The following ZNF7 variants were observed in gnomAD, a reference collection of about 807,000 sequenced individuals.
The protein encoded by ZNF7 is C2-H2 type zinc finger protein.
ZNF7 carries 10 observed loss-of-function variants against 12.0 expected under a neutral mutation model. The ratio of observed to expected loss-of-function variants is 0.83; its 90% CI spans 0.51 to 1.42. The LOEUF (loss-of-function observed/expected upper bound fraction) is 1.42, where lower values mean the gene tolerates loss of function less well. Among genes scored for constraint, ZNF7 ranks in the 40% most tolerant of loss-of-function variants. The pLI is 0.00. For missense variants in ZNF7, 854 were observed against 837.2 expected (o/e 1.02, Z -0.25); for synonymous variants, 334 against 295.0 (o/e 1.13, Z -1.35).
chr8:144,828,833 A>T, intron 1 of ZNF7: 2 of 620,936 alleles, frequency 3.2e-6, no homozygotes, highest in South Asian at 4.0e-5. Context: ...TGAGTCACAC[A>T]TGCCACACAC....
chr8:144,840,954 C>T (rs528117562), intron 4 of ZNF7: 1 of 196,342 alleles, frequency 5.1e-6, no homozygotes, highest in African/African-American at 2.4e-5. Context: ...AGAACTCAGA[C>T]CCTGTACTGT....
chr8:144,846,993 G>A (rs1735402), downstream of ZNF7: 1 of 152,128 alleles, frequency 6.6e-6, no homozygotes, highest in Non-Finnish European at 1.5e-5. Context: ...CCACCATGCC[G>A]AGCTGAGGAG....
rs537961785 is a variant in ZNF7 at position 144,829,275 on chromosome 8, G to C, written c.3+185G>C. On this transcript the variant is annotated intron_variant, in intron 2 of 4. Transcript: ENST00000532777. ...ACCAGGGCCTAATTGAGGCTCTTGAGGGGGGAGGGTTGTATGACCACCATG... is the reference window on the plus strand; with the variant it reads ...ACCAGGGCCTAATTGAGGCTCTTGACGGGGGAGGGTTGTATGACCACCATG... The C allele has an allele frequency of 8.9e-5, 137 of 1,532,466 alleles. No individual in the cohort carries two copies. In the African/African-American group the frequency reaches 1.0e-3, roughly 12 times the overall value. The allele number at this position is 1,532,466 out of a possible 1,614,324, so 94.9% of individuals were successfully genotyped here. A position where few individuals can be genotyped will look rare whatever the true frequency, so the allele number is the denominator to read the frequency against.
chr8:144,842,532 C>T lies in ZNF7; in HGVS notation c.1425C>T (p.Gly475=). ...AACCATTTAAATGTGATGAGTGTGG[C>T]AAAGGCTTTGTTCAGGGCTCACACC... ...GEKPFKCDEC[G]KGFVQGSHLI... is the part of the protein sequence containing the mutation. Residue 475 remains glycine (G), a synonymous_variant, in exon 5 of 5, where the codon GGC becomes GGT. Transcript: ENST00000532777. 6.2e-7 allele frequency: 1 copy of T among 1,613,918 alleles called. No homozygotes were observed. Among genetic ancestry groups the T allele is most frequent in the East Asian group, 2.2e-5 (1 of 44,842 alleles).
In ZNF7 at chr8:144,841,799, A is replaced by G. The variant is rs61254094; in HGVS notation, c.692A>G (p.Lys231Arg). Residue 231 changes from lysine (K) to arginine (R), a missense_variant, in exon 5 of 5, where the codon AAG becomes AGG. Lys to Arg is a conservative substitution (Grantham distance 26). Coordinates refer to ENST00000532777, the MANE Select transcript of ZNF7 (RefSeq NM_003416.4). ...AGCAGATGTCAAGAATGCCAAAAAA[A>G]GTTATCTGACTGCTTGCAGGGGAAA... ...KISRCQECQK[K>R]LSDCLQGKHT... 2 of 1,614,254 alleles carry G rather than the reference A, an allele frequency of 1.2e-6. No individual in the cohort carries two copies. Among genetic ancestry groups the G allele is most frequent in the African/African-American group, 1.3e-5 (1 of 75,072 alleles).
chr8:144,834,428 G>A (rs1052777331), intron 3 of ZNF7: 1 of 152,300 alleles, frequency 6.6e-6, no homozygotes, highest in Non-Finnish European at 1.5e-5. Flanking sequence ...GTGTGGGCAT[G>A]TTGTGTTCCT....
At position 144,837,524 on chromosome 8, in the gene ZNF7, A is replaced by G. The variant is rs1829157302; in HGVS notation, c.247+17A>G. ...CCAAGACAGGTGAGGCTTAGATCCC[A>G]TCGCAGAGAAGCCCTGGGGTGAGGA... On this transcript the variant is annotated intron_variant, in intron 4 of 4. Transcript: ENST00000532777. 5 of 1,575,172 alleles carry G rather than the reference A, an allele frequency of 3.2e-6. No individual in the cohort carries two copies. The East Asian group carries it at 9.0e-5, about 28-fold the overall frequency.
chr8:144,845,873 T>A, downstream of ZNF7: 2 of 1,130,292 alleles, frequency 1.8e-6, no homozygotes, highest in East Asian at 5.2e-5. Context: ...TGTCCCTGCC[T>A]TGCGTCACGT....
At chr8:144,827,805 G>A (rs1325769150) in intron 1 of ZNF7, 196 bp downstream of exon 1, 2 of 547,270 alleles carry the variant, frequency 3.7e-6, no homozygotes, top group Non-Finnish European at 4.7e-6. Context: ...CCCCCGCGGC[G>A]GCGCGAGGTG....
At chr8:144,827,687 C>T (rs1445394451) in intron 1 of ZNF7, 78 bp downstream of exon 1, 20 of 984,868 alleles carry the variant, frequency 2.0e-5, no homozygotes, top group Non-Finnish European at 2.4e-5. Context: ...GCCCTCCCGC[C>T]TTCGGCATTG....
chr8:144,830,495 G>C (rs1174940350), intron 3 of ZNF7, among the ~76,000 whole-genome samples: 2 of 152,206 alleles, frequency 1.3e-5, no homozygotes, highest in Admixed American at 6.5e-5. Flanking sequence ...TAGGTCCGCT[G>C]TGTCTTATTG....
intron 4 of ZNF7, among the ~76,000 whole-genome samples, chr8:144,840,269 A>T (rs1829706505): frequency 1.3e-5 from 2 of 152,220 alleles, no homozygotes; most frequent in African/African-American, 4.8e-5. Context: ...TCCCTGCTAC[A>T]CAATGAGGTT....
intron 3 of ZNF7, chr8:144,834,229 G>C (rs1468711683): frequency 6.6e-6 from 1 of 152,212 alleles, no homozygotes; most frequent in Non-Finnish European, 1.5e-5. Flanking sequence ...CAAAAATGCT[G>C]TTGGTTCTGG....
At position 144,841,592 on chromosome 8, in the gene ZNF7, C is replaced by A. The variant is rs758056602; in HGVS notation, c.485C>A (p.Thr162Asn). ...AATGAGGAGACTGTGGTTCCCAAGA[C>A]CTTCACCAAGGACGCACCCCAGGGA... ...CLNEETVVPK[T>N]FTKDAPQGCK... The change falls in exon 5 of 5, where the codon ACC becomes AAC. Residue 162 changes from threonine (T) to asparagine (N), a missense_variant. Transcript: ENST00000532777. The A allele has an allele frequency of 4.3e-6, 7 of 1,614,190 alleles. No individual in the cohort carries two copies. Among genetic ancestry groups the A allele is most frequent in the Admixed American group, 1.7e-5 (1 of 60,018 alleles).
At chr8:144,839,340 G>A (rs1258457974) in intron 4 of ZNF7, among the ~76,000 whole-genome samples, 1 of 152,264 alleles carries the variant, frequency 6.6e-6, no homozygotes, top group Non-Finnish European at 1.5e-5. Flanking sequence ...TGTGGGAAGA[G>A]TGGTCAGGAA....
chr8:144,844,554 C>T (rs1315241548), downstream of ZNF7, among the ~76,000 whole-genome samples: 1 of 150,908 alleles, frequency 6.6e-6, no homozygotes, highest in Non-Finnish European at 1.5e-5. Flanking sequence ...ACTAAAAATA[C>T]AAAAAATTAG....
intron 1 of ZNF7, chr8:144,828,837 C>T: frequency 9.5e-6 from 6 of 628,484 alleles, no homozygotes; most frequent in Middle Eastern, 4.0e-4. Flanking sequence ...TCACACATGC[C>T]ACACACACAT....
chr8:144,838,475 A>C (rs1829355610), intron 4 of ZNF7: 1 of 299,622 alleles, frequency 3.3e-6, no homozygotes, highest in African/African-American at 2.2e-5. Context: ...CAGCATGACA[A>C]GGGAGATGGG....
At chr8:144,847,301 C>G (rs1830563190), downstream of ZNF7, 1 of 152,312 alleles carries the variant, frequency 6.6e-6, no homozygotes, top group South Asian at 2.1e-4. Context: ...GTTTCCAGGC[C>G]AGGCACGGTG....
Sources: allele counts gnomAD v4.1 joint callset (sites outside exome capture counted in the v4.1 genomes callset), GRCh38; gene constraint gnomAD v4.1.1; transcripts MANE v1.5; gene names NCBI Gene and HGNC (gene_info 2026-07-23, HGNC 2026-07-21).